GRIP1: variants seen among roughly 807,000 people sequenced by gnomAD.
GRIP1 encodes the protein glutamate receptor-interacting protein 1.
In GRIP1, 45 loss-of-function variants were observed where a neutral mutation model predicts 129.9. The observed-to-expected ratio is 0.35, with a 90% confidence interval of 0.27 to 0.44. The LOEUF is 0.44. Ranked by LOEUF, GRIP1 falls within the 20% of genes least tolerant of loss-of-function variation. GRIP1 has a pLI of 1.00. For missense variants in GRIP1, 1,196 were observed against 1,396.8 expected, an observed-to-expected ratio of 0.86 and a Z score of 2.29; for synonymous variants, 530 against 520.8, an observed-to-expected ratio of 1.02 and a Z score of -0.24.
upstream of GRIP1, chr12:66,679,247 A>T: frequency 1.4e-6 from 1 of 702,100 alleles, no homozygotes; most frequent in Non-Finnish European, 2.0e-6. Context: ...TCTAACGCTA[A>T]GCACTGAACA....
intron 1 of GRIP1, among the ~76,000 whole-genome samples, chr12:66,601,865 C>T (rs1161570759): frequency 1.3e-5 from 2 of 152,138 alleles, no homozygotes; most frequent in African/African-American, 4.8e-5. Flanking sequence ...CAATTTAGTA[C>T]CTACTATGTG....
intron 1 of GRIP1, among the ~76,000 whole-genome samples, chr12:67,052,776 G>GGGAGGGAGGGAC (rs2043368453): frequency 7.0e-6 from 1 of 143,166 alleles, no homozygotes; most frequent in Non-Finnish European, 1.5e-5. Context: ...AAGGGAGGGA[G>GGGAGGGAGGGAC]GGAGGGAGGG....
intron 14 of GRIP1, among the ~76,000 whole-genome samples, chr12:66,431,773 A>C (rs2058155351): frequency 6.6e-6 from 1 of 152,156 alleles, no homozygotes; most frequent in Admixed American, 6.5e-5. Flanking sequence ...AGCCCCCCAA[A>C]ACCCTCAATT....
intron 1 of GRIP1, among the ~76,000 whole-genome samples, chr12:67,026,180 T>A (rs988518594): frequency 6.6e-6 from 1 of 152,190 alleles, no homozygotes; most frequent in Non-Finnish European, 1.5e-5. Flanking sequence ...ACTATGCTCT[T>A]TGTTTAAAAA....
chr12:66,967,301 T>C (rs1407532147), intron 1 of GRIP1, among the ~76,000 whole-genome samples: 1 of 152,182 alleles, frequency 6.6e-6, no homozygotes, highest in African/African-American at 2.4e-5. Context: ...CTCAAATATG[T>C]GTCATTTCTT....
At chr12:66,725,309 A>C (rs1247968841) in intron 1 of GRIP1, among the ~76,000 whole-genome samples, 1 of 152,148 alleles carries the variant, frequency 6.6e-6, no homozygotes, top group Non-Finnish European at 1.5e-5. Flanking sequence ...TCTCAAAAAA[A>C]CACAAAAATC....
intron 1 of GRIP1, among the ~76,000 whole-genome samples, chr12:67,011,092 C>T (rs12316091): frequency 0.82 from 124,621 of 152,146 alleles, 51,666 homozygotes; most frequent in African/African-American, 0.94. Flanking sequence ...CACATCCAAC[C>T]GTCTTCTTGA....
At chr12:66,628,812 T>C (rs528529240) in intron 1 of GRIP1, among the ~76,000 whole-genome samples, 2 of 152,306 alleles carry the variant, frequency 1.3e-5, no homozygotes, top group South Asian at 2.1e-4. Context: ...CAGCAAAGAA[T>C]GATCCGGCCC....
At chr12:66,759,955 C>T (rs567635230) in intron 1 of GRIP1, among the ~76,000 whole-genome samples, 22 of 151,894 alleles carry the variant, frequency 1.4e-4, no homozygotes, top group Admixed American at 5.9e-4. Context: ...TCCGGGTTCA[C>T]GCCATTCTCC....
chr12:66,995,757 C>CA (rs1244449809), intron 1 of GRIP1, among the ~76,000 whole-genome samples: 1 of 152,126 alleles, frequency 6.6e-6, no homozygotes, highest in African/African-American at 2.4e-5. Context: ...CTTTGGAAAA[C>CA]AGTTTGGCCA....
chr12:66,867,264 C>A (rs2040222104), intron 1 of GRIP1, among the ~76,000 whole-genome samples: 1 of 152,134 alleles, frequency 6.6e-6, no homozygotes, highest in Non-Finnish European at 1.5e-5. Context: ...GTTGGGATTA[C>A]ACATGTGAGC....
chr12:66,993,367 TAAAATG>T (rs956039851), intron 1 of GRIP1, among the ~76,000 whole-genome samples: 30 of 151,272 alleles, frequency 2.0e-4, no homozygotes, highest in Non-Finnish European at 4.1e-4. Flanking sequence ...CATAAATTAA[TAAAATG>T]AAAATAATTT....
intron 1 of GRIP1, among the ~76,000 whole-genome samples, chr12:67,026,616 T>C (rs555517413): frequency 6.6e-6 from 1 of 152,334 alleles, no homozygotes; most frequent in East Asian, 1.9e-4. Context: ...ATCCTTCCTC[T>C]TCTTCATTAT....
At chr12:66,608,608 A>T (rs1215403484) in intron 1 of GRIP1, among the ~76,000 whole-genome samples, 1 of 152,214 alleles carries the variant, frequency 6.6e-6, no homozygotes, top group Non-Finnish European at 1.5e-5. Flanking sequence ...CTGGGATTTC[A>T]GGCATAAGCC....
chr12:66,717,775 A>G (rs2035939095), intron 1 of GRIP1, among the ~76,000 whole-genome samples: 2 of 152,168 alleles, frequency 1.3e-5, no homozygotes, highest in Non-Finnish European at 2.9e-5. Context: ...CAATTGATAA[A>G]CAAAATTAAA....
At chr12:66,832,319 T>C (rs1009492699) in intron 1 of GRIP1, among the ~76,000 whole-genome samples, 1 of 152,140 alleles carries the variant, frequency 6.6e-6, no homozygotes, top group Non-Finnish European at 1.5e-5. Context: ...ATGCCTTATG[T>C]TTCACTTCAG....
intron 1 of GRIP1, chr12:66,647,306 A>T (rs1409465240): frequency 6.6e-6 from 1 of 152,272 alleles, no homozygotes; most frequent in African/African-American, 2.4e-5. Context: ...AGTACCAAAG[A>T]TTAAATACTT....
intron 1 of GRIP1, among the ~76,000 whole-genome samples, chr12:66,718,270 C>T (rs2035953831): frequency 6.6e-6 from 1 of 152,056 alleles, no homozygotes; most frequent in Non-Finnish European, 1.5e-5. Flanking sequence ...CAGTGATTGC[C>T]AAGGTTTGCT....
chr12:67,059,101 T>C (rs376366745), intron 1 of GRIP1, among the ~76,000 whole-genome samples: 5 of 152,336 alleles, frequency 3.3e-5, no homozygotes, highest in Non-Finnish European at 7.3e-5. Flanking sequence ...CATTGGACCA[T>C]AGAGTGGTAA....
Sources: allele counts gnomAD v4.1 joint callset (sites outside exome capture counted in the v4.1 genomes callset), GRCh38; gene constraint gnomAD v4.1.1; transcripts MANE v1.5; gene names NCBI Gene and HGNC (gene_info 2026-07-23, HGNC 2026-07-21).